KRAS: variants seen among roughly 807,000 people sequenced by gnomAD.
KRAS encodes GTPase KRas.
A neutral mutation model predicts 21.0 loss-of-function variants in KRAS; 1 was observed. The ratio of observed to expected loss-of-function variants is 0.05; its 90% CI spans 0.02 to 0.23. The LOEUF is 0.23. KRAS is among the 10% of genes least tolerant of loss of function. KRAS has a pLI of 1.00. For synonymous variants in KRAS, 67 were observed against 72.5 expected, an observed-to-expected ratio of 0.92 and a Z score of 0.39; for missense variants, 107 against 221.8, an observed-to-expected ratio of 0.48 and a Z score of 3.29.
chr12:25,240,300 A>G (rs1377058650), intron 2 of KRAS, among the ~76,000 whole-genome samples: 1 of 152,236 alleles, frequency 6.6e-6, no homozygotes, highest in Non-Finnish European at 1.5e-5. Context: ...TATAATTAGC[A>G]TGATTGCCTA....
intron 2 of KRAS, chr12:25,234,285 G>A (rs1317819252): frequency 5.6e-6 from 1 of 177,748 alleles, no homozygotes; most frequent in Non-Finnish European, 1.2e-5. Flanking sequence ...CTAGGGAAAA[G>A]AATGCAGGAG....
intron 4 of KRAS, among the ~76,000 whole-genome samples, chr12:25,223,627 C>G (rs1951354503): frequency 6.6e-6 from 1 of 152,124 alleles, no homozygotes; most frequent in Non-Finnish European, 1.5e-5. Context: ...TTTACTGTTT[C>G]TTTACTATAT....
chr12:25,247,134 A>C (rs1951694375), intron 1 of KRAS, among the ~76,000 whole-genome samples: 1 of 152,220 alleles, frequency 6.6e-6, no homozygotes, highest in African/African-American at 2.4e-5. Context: ...CTCATGTAAC[A>C]CATAATTATA....
rs930277109 is a variant in KRAS at position 25,205,696 on chromosome 12, G to A, written c.*4099C>T. The A allele has an allele frequency of 4.5e-6, 1 of 222,476 alleles. No individual in the cohort carries two copies. Among genetic ancestry groups the A allele is most frequent in the Non-Finnish European group, 8.9e-6 (1 of 112,312 alleles). The allele number at this position is 222,476 out of a possible 1,614,324, so 13.8% of individuals were successfully genotyped here. ...AGTTAGCTCTGTGGGGGTGTGGGGG[G>A]AGAGATGGGCCCTCAACATATCTGC... is the stretch of plus-strand genomic sequence containing the variant. On this transcript the variant is annotated 3_prime_UTR_variant, in exon 5 of 5. Coordinates refer to ENST00000311936, the MANE Select transcript of KRAS (RefSeq NM_004985.5).
intron 4 of KRAS, among the ~76,000 whole-genome samples, chr12:25,216,907 T>C (rs1054791968): frequency 1.3e-5 from 2 of 152,224 alleles, no homozygotes; most frequent in African/African-American, 4.8e-5. Flanking sequence ...AATATTATGT[T>C]CATTCTTCTA....
chr12:25,212,863 T>G (rs1951213394), intron 4 of KRAS, among the ~76,000 whole-genome samples: 1 of 152,120 alleles, frequency 6.6e-6, no homozygotes, highest in Non-Finnish European at 1.5e-5. Context: ...TCTGGCATTA[T>G]AAGTGTGAGC....
intron 2 of KRAS, among the ~76,000 whole-genome samples, chr12:25,231,909 A>G (rs547166886): frequency 8.5e-5 from 13 of 152,200 alleles, no homozygotes; most frequent in Non-Finnish European, 1.5e-4. Flanking sequence ...CAAACGCAAC[A>G]AAAATTATAT....
intron 2 of KRAS, among the ~76,000 whole-genome samples, chr12:25,228,024 G>A (rs1380991072): frequency 5.3e-5 from 8 of 151,948 alleles, no homozygotes; most frequent in Admixed American, 4.6e-4. Flanking sequence ...GCCATAAAAA[G>A]GAATAAAATT....
chr12:25,236,947 G>GTTTA (rs1411304644), intron 2 of KRAS, among the ~76,000 whole-genome samples: 1 of 152,078 alleles, frequency 6.6e-6, no homozygotes, highest in Middle Eastern at 3.2e-3. Flanking sequence ...GTACATAAAT[G>GTTTA]TTTATAGTGG....
chr12:25,238,212 G>A (rs1055280161), intron 2 of KRAS, among the ~76,000 whole-genome samples: 1 of 152,126 alleles, frequency 6.6e-6, no homozygotes, highest in Non-Finnish European at 1.5e-5. Flanking sequence ...GAAAAAACTA[G>A]TTCAAAAATC....
At chr12:25,222,642 T>A (rs1178114454) in intron 4 of KRAS, among the ~76,000 whole-genome samples, 1 of 152,122 alleles carries the variant, frequency 6.6e-6, no homozygotes, top group African/African-American at 2.4e-5. Flanking sequence ...ACAAATCAAA[T>A]TTGTTTATCT....
intron 1 of KRAS, 44 bp from the exon 2 acceptor site, chr12:25,245,439 C>G (rs1321892056): frequency 1.3e-6 from 2 of 1,541,728 alleles, no homozygotes; most frequent in Non-Finnish European, 1.8e-6. Flanking sequence ...TAGAACATGT[C>G]ACACATAAGG....
intron 1 of KRAS, among the ~76,000 whole-genome samples, chr12:25,246,949 G>A (rs564846566): frequency 6.6e-6 from 1 of 151,700 alleles, no homozygotes; most frequent in African/African-American, 2.4e-5. Context: ...ATATATCTCA[G>A]TAATCAGTAA....
intron 2 of KRAS, chr12:25,234,722 C>A (rs1951522250): frequency 1.1e-5 from 2 of 188,890 alleles, no homozygotes; most frequent in Admixed American, 6.2e-5. Context: ...GATAAGATAA[C>A]CTCATTAACC....
intron 2 of KRAS, among the ~76,000 whole-genome samples, chr12:25,232,691 C>T (rs1324452851): frequency 6.6e-6 from 1 of 152,136 alleles, no homozygotes; most frequent in Non-Finnish European, 1.5e-5. Flanking sequence ...CTTAAACTAA[C>T]TCACAATAAA....
intron 1 of KRAS, among the ~76,000 whole-genome samples, chr12:25,248,291 TA>T (rs1951712840): frequency 6.6e-6 from 1 of 151,974 alleles, no homozygotes; most frequent in Non-Finnish European, 1.5e-5. Context: ...TGAAATCCCG[TA>T]TCTAAAAATA....
At chr12:25,231,970 T>TC (rs1273598738) in intron 2 of KRAS, among the ~76,000 whole-genome samples, 1 of 151,378 alleles carries the variant, frequency 6.6e-6, no homozygotes, top group Non-Finnish European at 1.5e-5. Context: ...GAAACAGTCA[T>TC]CCCTGGTATA....
chr12:25,215,035 T>C (rs1951238287), intron 4 of KRAS: 1 of 168,058 alleles, frequency 6.0e-6, no homozygotes, highest in Non-Finnish European at 1.2e-5. Context: ...TTTCCCACCT[T>C]CTGGGCCATT....
chr12:25,247,866 GTT>G (rs1951704700), intron 1 of KRAS, among the ~76,000 whole-genome samples: 1 of 151,932 alleles, frequency 6.6e-6, no homozygotes, highest in African/African-American at 2.4e-5. Context: ...CTAAGTTTTG[GTT>G]TTGTTTTGGA....
Sources: gnomAD v4.1 joint callset for allele counts (sites outside exome capture counted in the v4.1 genomes callset) on GRCh38, gnomAD v4.1.1 for gene constraint, MANE v1.5 for transcripts, NCBI Gene and HGNC (gene_info 2026-07-23, HGNC 2026-07-21) for gene names.